USP34: variants seen among roughly 807,000 people sequenced by gnomAD.
USP34 encodes ubiquitin specific peptidase 34.
A neutral mutation model predicts 460.3 loss-of-function variants in USP34; 70 were observed. That is an observed-to-expected ratio of 0.15 (90% CI 0.13 to 0.19). USP34 has a LOEUF of 0.19. USP34 is among the 10% of genes least tolerant of loss of function. The pLI is 1.00. For missense variants in USP34, 3,985 were observed against 4,236.2 expected (o/e 0.94, Z 1.65); for synonymous variants, 1,647 against 1,405.3 (o/e 1.17, Z -3.85).
chr2:61,418,648 A>T (rs753351005), intron 2 of USP34, among the ~76,000 whole-genome samples: 1 of 152,190 alleles, frequency 6.6e-6, no homozygotes, highest in Non-Finnish European at 1.5e-5. Flanking sequence ...TAGAACGACA[A>T]TCTTAATCTA....
chr2:61,393,220 T>C (rs1292818935), intron 5 of USP34, among the ~76,000 whole-genome samples: 1 of 151,972 alleles, frequency 6.6e-6, no homozygotes, highest in Non-Finnish European at 1.5e-5. Context: ...CACCTGAGGT[T>C]AGGAGTTTGA....
At chr2:61,464,560 A>C (rs1406874941) in intron 1 of USP34, among the ~76,000 whole-genome samples, 2 of 151,138 alleles carry the variant, frequency 1.3e-5, no homozygotes, top group Non-Finnish European at 3.0e-5. Context: ...CACCAAACGA[A>C]TACACAGAGT....
chr2:61,220,178 A>AAG, intron 67 of USP34, 132 bp downstream of exon 67: 3 of 476,718 alleles, frequency 6.3e-6, no homozygotes, highest in Admixed American at 4.8e-5. Context: ...AAAAAAAAAA[A>AAG]AAAAGGAAAT....
chr2:61,421,804 C>T (rs977175619), intron 1 of USP34, among the ~76,000 whole-genome samples: 4 of 152,050 alleles, frequency 2.6e-5, no homozygotes, highest in Non-Finnish European at 5.9e-5. Flanking sequence ...CACACGCGCG[C>T]GCGCGCACCT....
chr2:61,232,309 A>G (rs1687929829), intron 58 of USP34, 143 bp downstream of exon 58: 3 of 693,014 alleles, frequency 4.3e-6, no homozygotes, highest in South Asian at 3.9e-5. Context: ...AACCAACAAC[A>G]AAATGACTTT....
intron 19 of USP34, 147 bp downstream of exon 19, chr2:61,333,735 G>T: frequency 2.2e-6 from 1 of 461,296 alleles, no homozygotes; most frequent in Non-Finnish European, 3.7e-6. Flanking sequence ...ACAGGGGTAA[G>T]TGGCAGAAAA....
At chr2:61,369,046 A>G (rs1692525606) in intron 10 of USP34, among the ~76,000 whole-genome samples, 1 of 152,188 alleles carries the variant, frequency 6.6e-6, no homozygotes, top group Admixed American at 6.5e-5. Context: ...AAGCAACAAA[A>G]TGGCTCTTAA....
Position 61,314,567 on chromosome 2 carries a change from T to C in USP34, c.3542+18A>G. 1 of 1,467,584 alleles carries C rather than the reference T, an allele frequency of 6.8e-7. No homozygotes were observed. Among genetic ancestry groups the C allele is most frequent in the Admixed American group, 2.5e-5 (1 of 39,274 alleles). 90.9% of individuals were successfully genotyped at this position (1,467,584 alleles called of 1,614,324 possible). On this transcript the variant is annotated intron_variant, in intron 25 of 79. Coordinates refer to ENST00000398571, the MANE Select transcript of USP34 (RefSeq NM_014709.4). The stretch of plus-strand genomic sequence containing the variant: ...AAAAATGAAATTCATTCTAACAGTG[T>C]GATATTTTAAAAATTACCTTCTCCT...
chr2:61,457,843 G>A (rs1006608333), intron 1 of USP34, among the ~76,000 whole-genome samples: 14 of 152,054 alleles, frequency 9.2e-5, no homozygotes, highest in Admixed American at 2.0e-4. Context: ...GTGAGACCCT[G>A]TCTCCAAAAA....
chr2:61,386,344 C>T (rs939446223), intron 5 of USP34, among the ~76,000 whole-genome samples: 6 of 152,122 alleles, frequency 3.9e-5, no homozygotes, highest in Admixed American at 6.5e-5. Context: ...GTGTTAGGAA[C>T]ACTGGATATC....
At chr2:61,392,453 G>A (rs7560978) in intron 5 of USP34, among the ~76,000 whole-genome samples, 57,133 of 151,760 alleles carry the variant, frequency 0.38, 10,789 homozygotes, top group Admixed American at 0.41. Context: ...GCGAAACCCC[G>A]GGTCTACTAA....
At chr2:61,466,317 T>TG (rs200521303) in intron 1 of USP34, among the ~76,000 whole-genome samples, 2,279 of 151,834 alleles carry the variant, frequency 0.015, 44 homozygotes, top group African/African-American at 0.051. Flanking sequence ...CCCAGCTACT[T>TG]GGGAGGATGT....
intron 62 of USP34, among the ~76,000 whole-genome samples, chr2:61,225,745 C>T (rs920152149): frequency 1.3e-5 from 2 of 152,166 alleles, no homozygotes; most frequent in East Asian, 1.9e-4. Flanking sequence ...GTCAACCAAT[C>T]GATACATTTA....
chr2:61,190,444 A>G (rs143307382), intron 77 of USP34, 30 bp from the exon 78 acceptor site: 44 of 1,600,590 alleles, frequency 2.7e-5, no homozygotes, highest in Non-Finnish European at 3.6e-5. Context: ...AAAATCTCCA[A>G]AAGACCAGCA....
At chr2:61,463,687 AGC>A (rs1695675267) in intron 1 of USP34, among the ~76,000 whole-genome samples, 1 of 152,142 alleles carries the variant, frequency 6.6e-6, no homozygotes, top group Non-Finnish European at 1.5e-5. Flanking sequence ...TACAAAAATT[AGC>A]CAGGCATGGT....
At chr2:61,334,231 A>G (rs1691352928) in intron 18 of USP34, among the ~76,000 whole-genome samples, 1 of 152,184 alleles carries the variant, frequency 6.6e-6, no homozygotes, top group African/African-American at 2.4e-5. Context: ...AGTGAAGAGC[A>G]TTTAAAGATG....
In USP34 at chr2:61,221,469, A is replaced by G. The variant is rs139937334; in HGVS notation, c.7899+33T>C. On this transcript the variant is annotated intron_variant, in intron 66 of 79. Coordinates refer to ENST00000398571, the MANE Select transcript of USP34 (RefSeq NM_014709.4). ...TTATAAAAATAAAATCCTCAGGAAA[A>G]TAAACATTGAAAACACCTGCTGCAA... 22 of 1,570,508 alleles carry G rather than the reference A, an allele frequency of 1.4e-5. No homozygotes were observed. The African/African-American group carries it at 2.9e-4, about 20-fold the overall frequency.
chr2:61,369,125 C>A (rs1170070454), intron 10 of USP34, among the ~76,000 whole-genome samples: 2 of 152,192 alleles, frequency 1.3e-5, no homozygotes, highest in African/African-American at 4.8e-5. Context: ...TATCACTTTT[C>A]ACCCATCAGG....
Position 61,311,556 on chromosome 2 carries a change from T to C in USP34, c.3801A>G (p.Arg1267=), listed in dbSNP as rs371872417. 7 of 1,598,168 alleles carry C rather than the reference T, an allele frequency of 4.4e-6. No individual in the cohort carries two copies. The African/African-American group carries it at 8.1e-5, about 18-fold the overall frequency. ...AQLQEFGQSN[R]KGEFPGGLMG... ...AAGGCTTACCAGGAAACTCTCCTTT[T>C]CGGTTGCTTTGACCAAACTCCTGAA... Residue 1267 remains arginine, a synonymous_variant, in exon 27 of 80, where the codon CGA becomes CGG. Coordinates refer to ENST00000398571, the MANE Select transcript of USP34 (RefSeq NM_014709.4).
Sources: gnomAD v4.1 joint callset for allele counts (sites outside exome capture counted in the v4.1 genomes callset) on GRCh38, gnomAD v4.1.1 for gene constraint, MANE v1.5 for transcripts, NCBI Gene and HGNC (gene_info 2026-07-23, HGNC 2026-07-21) for gene names.